Variants in RANBP17 observed in about 807,000 individuals in gnomAD.
The protein encoded by RANBP17 is RAN binding protein 17, also known as ran-binding protein 17.
RANBP17 carries 158 observed loss-of-function variants against 141.2 expected under a neutral mutation model. The ratio of observed to expected loss-of-function variants is 1.12; its 90% CI spans 0.98 to 1.28. RANBP17 has a LOEUF of 1.28. Ranked by LOEUF, RANBP17 falls within the 50% of genes most tolerant of loss-of-function variation. The probability of loss-of-function intolerance (pLI) is 0.00; values close to 1 mark genes in which losing one functional copy is unlikely to be tolerated. For synonymous variants in RANBP17, 430 were observed against 450.0 expected (o/e 0.96, Z 0.56); for missense variants, 1,438 against 1,290.7 (o/e 1.11, Z -1.75).
chr5:171,247,096 G>A (rs1429403385), intron 24 of RANBP17, among the ~76,000 whole-genome samples: 1 of 152,130 alleles, frequency 6.6e-6, no homozygotes, highest in Non-Finnish European at 1.5e-5. Context: ...GCTCAGAGAG[G>A]TGAAACAATT....
rs1190080929 is a variant in RANBP17 at position 171,170,192 on chromosome 5, C to G, written c.1773C>G (p.Phe591Leu). 4 of 1,560,574 alleles carry G rather than the reference C, an allele frequency of 2.6e-6. No homozygotes were observed. The East Asian group carries it at 9.3e-5, about 36-fold the overall frequency. The change falls in exon 15 of 28, where the codon TTC (phenylalanine) becomes TTG (leucine). Residue 591 changes from phenylalanine (F) to leucine (L), a missense_variant. Coordinates refer to ENST00000523189, the MANE Select transcript of RANBP17 (RefSeq NM_022897.5). Reference sequence around the variant, plus strand: ...ATGACAACCACGTTCTAGAGACGTTCATGACAAAAATGTGAGTTCTTGTTT... The same window carrying G: ...ATGACAACCACGTTCTAGAGACGTTGATGACAAAAATGTGAGTTCTTGTTT... Reference protein sequence around the residue: ...ITDDNHVLETFMTKIVTNLKY... With the variant: ...ITDDNHVLETLMTKIVTNLKY...
chr5:171,187,868 C>G (rs1245446554), intron 18 of RANBP17, among the ~76,000 whole-genome samples: 1 of 152,146 alleles, frequency 6.6e-6, no homozygotes, highest in Non-Finnish European at 1.5e-5. Context: ...CATCCTTAGA[C>G]AATACCAATA....
At chr5:171,298,196 C>T (rs928307471) in intron 27 of RANBP17, among the ~76,000 whole-genome samples, 1 of 152,110 alleles carries the variant, frequency 6.6e-6, no homozygotes, top group African/African-American at 2.4e-5. Flanking sequence ...GGTAACTACT[C>T]ATATTAGGTA....
intron 20 of RANBP17, among the ~76,000 whole-genome samples, chr5:171,209,618 T>C (rs1044405319): frequency 1.3e-4 from 20 of 152,194 alleles, no homozygotes; most frequent in Non-Finnish European, 2.8e-4. Context: ...CAGTGCGTTA[T>C]AACAGAGATG....
intron 14 of RANBP17, among the ~76,000 whole-genome samples, chr5:170,998,485 A>G (rs1778984569): frequency 6.6e-6 from 1 of 152,214 alleles, no homozygotes; most frequent in South Asian, 2.1e-4. Flanking sequence ...CAGTATTTAA[A>G]TGTGCACAAT....
At chr5:170,915,627 C>T (rs1290365813) in intron 8 of RANBP17, among the ~76,000 whole-genome samples, 3 of 152,058 alleles carry the variant, frequency 2.0e-5, no homozygotes, top group East Asian at 3.9e-4. Context: ...CTTTTCTCAC[C>T]GTAAAGTACC....
At chr5:171,204,395 G>C (rs17747869) in intron 19 of RANBP17, among the ~76,000 whole-genome samples, 1 of 152,072 alleles carries the variant, frequency 6.6e-6, no homozygotes, top group African/African-American at 2.4e-5. Context: ...CCATTAAGAG[G>C]AGGGTCAGGA....
At chr5:171,104,102 A>G (rs902749194) in intron 14 of RANBP17, among the ~76,000 whole-genome samples, 5 of 152,208 alleles carry the variant, frequency 3.3e-5, no homozygotes, top group African/African-American at 4.8e-5. Context: ...CAATGGCACA[A>G]TCTCGGCTCA....
chr5:171,298,441 T>A (rs1234190961), intron 27 of RANBP17, among the ~76,000 whole-genome samples: 1 of 152,250 alleles, frequency 6.6e-6, no homozygotes, highest in Non-Finnish European at 1.5e-5. Context: ...TTCTTTTTTT[T>A]ATAATCCTTA....
chr5:171,063,894 T>A (rs376219927), intron 14 of RANBP17, among the ~76,000 whole-genome samples: 1 of 152,214 alleles, frequency 6.6e-6, no homozygotes, highest in Non-Finnish European at 1.5e-5. Context: ...GCCTCGCTGC[T>A]GCCTTGCAGT....
At chr5:171,000,415 C>A (rs1779119886) in intron 14 of RANBP17, among the ~76,000 whole-genome samples, 1 of 152,126 alleles carries the variant, frequency 6.6e-6, no homozygotes, top group Non-Finnish European at 1.5e-5. Context: ...TTACTGAAGT[C>A]TTTTATTCAT....
chr5:171,155,686 A>G (rs1452458495), intron 14 of RANBP17, among the ~76,000 whole-genome samples: 1 of 152,194 alleles, frequency 6.6e-6, no homozygotes, highest in Non-Finnish European at 1.5e-5. Flanking sequence ...GTGCTACAGA[A>G]TATAAAATTT....
At chr5:171,178,587 A>G (rs1043081012) in intron 16 of RANBP17, among the ~76,000 whole-genome samples, 14 of 152,148 alleles carry the variant, frequency 9.2e-5, no homozygotes, top group Admixed American at 2.0e-4. Flanking sequence ...ATCCTTGAGG[A>G]ATTGCCACAC....
At chr5:170,878,321 A>G (rs1203260498) in intron 2 of RANBP17, 78 bp downstream of exon 2, 5 of 1,202,246 alleles carry the variant, frequency 4.2e-6, no homozygotes, top group East Asian at 2.6e-5. Flanking sequence ...TGTGTTAGCA[A>G]TGGTAACTGA....
At chr5:170,923,581 G>T (rs1480942570) in intron 11 of RANBP17, among the ~76,000 whole-genome samples, 2 of 152,170 alleles carry the variant, frequency 1.3e-5, no homozygotes, top group Admixed American at 6.5e-5. Context: ...TTAACTTGGG[G>T]AAAGAATTGA....
chr5:171,072,362 A>T (rs1358364393), intron 14 of RANBP17, among the ~76,000 whole-genome samples: 1 of 152,124 alleles, frequency 6.6e-6, no homozygotes, highest in Non-Finnish European at 1.5e-5. Flanking sequence ...TAAGATAGTA[A>T]ATTTGTATTG....
At chr5:171,063,781 G>A (rs1192106093) in intron 14 of RANBP17, among the ~76,000 whole-genome samples, 2 of 152,204 alleles carry the variant, frequency 1.3e-5, no homozygotes, top group Non-Finnish European at 2.9e-5. Context: ...GCCTACAGAG[G>A]CAGGCAGGCT....
intron 13 of RANBP17, among the ~76,000 whole-genome samples, chr5:170,961,507 T>C (rs1160431573): frequency 6.6e-6 from 1 of 152,170 alleles, no homozygotes; most frequent in Non-Finnish European, 1.5e-5. Flanking sequence ...TATATACACA[T>C]TGAACATCCC....
At chr5:171,090,670 TC>T (rs1786184337) in intron 14 of RANBP17, among the ~76,000 whole-genome samples, 1 of 151,746 alleles carries the variant, frequency 6.6e-6, no homozygotes, top group South Asian at 2.1e-4. Context: ...AAAAATGGTT[TC>T]ATGGGCAGGG....
Sources: gnomAD v4.1 joint callset for allele counts (sites outside exome capture counted in the v4.1 genomes callset) on GRCh38, gnomAD v4.1.1 for gene constraint, MANE v1.5 for transcripts, NCBI Gene and HGNC (gene_info 2026-07-23, HGNC 2026-07-21) for gene names.